ATXN2: variants seen among roughly 807,000 people sequenced by gnomAD.
ATXN2 encodes ataxin-2.
Under a neutral mutation model 138.6 loss-of-function variants are expected in ATXN2, and 37 were observed. That is an observed-to-expected ratio of 0.27 (90% confidence interval 0.21 to 0.35). The LOEUF is 0.35. ATXN2 is among the 10% of genes least tolerant of loss of function. The pLI is 1.00. For missense variants in ATXN2, 1,216 were observed against 1,480.3 expected (o/e 0.82, Z 2.93); for synonymous variants, 549 against 543.7 (o/e 1.01, Z -0.13).
rs1231218334 is a variant in ATXN2 at position 111,519,960 on chromosome 12, T to C, written c.905A>G (p.Asn302Ser). The change falls in exon 8 of 25, where the codon AAT (asparagine) becomes AGT (serine). Residue 302 changes from asparagine to serine, a missense_variant. Asn to Ser is a conservative substitution (Grantham distance 46, BLOSUM62 1). Transcript: ENST00000673436. ...AQYKARVALE[N>S]DDRSEEEKYT... is the part of the protein sequence containing the mutation. ...TTTTTCTTCCTCACTCCTATCATCA[T>C]TTTCCAGGGCCACTCGAGCTTTGTA... is the stretch of plus-strand genomic sequence containing the variant. The C allele has an allele frequency of 5.6e-6, 9 of 1,614,060 alleles. No homozygotes were observed. In the Admixed American group the frequency reaches 6.7e-5, roughly 12 times the overall value.
chr12:111,472,884 T>C (rs1348377459), intron 18 of ATXN2, among the ~76,000 whole-genome samples: 1 of 152,062 alleles, frequency 6.6e-6, no homozygotes, highest in African/African-American at 2.4e-5. Flanking sequence ...AAGGATAAAC[T>C]TTAATATGCT....
chr12:111,528,241 T>C (rs1880610886), intron 5 of ATXN2, among the ~76,000 whole-genome samples: 2 of 152,212 alleles, frequency 1.3e-5, no homozygotes, highest in Admixed American at 1.3e-4. Flanking sequence ...TATAGAACCA[T>C]ATAAACGGAT....
chr12:111,594,852 A>G (rs1289005829), intron 1 of ATXN2, among the ~76,000 whole-genome samples: 1 of 152,144 alleles, frequency 6.6e-6, no homozygotes, highest in Non-Finnish European at 1.5e-5. Context: ...GTTCCTCAGG[A>G]ATTTCATTCC....
chr12:111,580,591 CAGG>C (rs1285586694), intron 1 of ATXN2, among the ~76,000 whole-genome samples: 2 of 137,030 alleles, frequency 1.5e-5, no homozygotes, highest in Non-Finnish European at 3.1e-5. Context: ...CATCTGGGCT[CAGG>C]AGTTCAAGGT....
chr12:111,598,871 G>A lies in ATXN2; in HGVS notation c.164C>T (p.Ser55Phe), dbSNP rs1404140550. 4.0e-6 allele frequency: 6 copies of A among 1,494,258 alleles called. No individual in the cohort carries two copies. Among genetic ancestry groups the A allele is most frequent in the Non-Finnish European group, 4.4e-6 (5 of 1,128,372 alleles). The allele number at this position is 1,494,258 out of a possible 1,614,324, so 92.6% of individuals were successfully genotyped here. Reference protein sequence around the residue: ...LASPAAAPSPSSSSVSSSSAT... With the variant: ...LASPAAAPSPFSSSVSSSSAT... ...CGAGGACGAGGAGACCGAGGACGAG[G>A]ACGGCGAAGGCGCGGCGGCGGGCGA... The change falls in exon 1 of 25, where the codon TCC becomes TTC. Residue 55 changes from serine to phenylalanine, a missense_variant. By Grantham distance (155) the Ser-to-Phe change is radical. This residue lies in a region of ATXN2 where 110 missense variants were observed against 88.7 expected (regional missense o/e 1.24). Coordinates refer to ENST00000673436, the MANE Select transcript of ATXN2 (RefSeq NM_001372574.1). This position sits in a 1 kb window ranked among gnomAD's most constrained non-coding sequence, Gnocchi z 4.5.
intron 16 of ATXN2, 112 bp from the exon 17 acceptor site, chr12:111,485,977 C>T (rs1877612017): frequency 4.0e-6 from 4 of 1,012,272 alleles, no homozygotes; most frequent in African/African-American, 1.7e-5. Context: ...AACTATGTCC[C>T]TTTTATTGAA....
Position 111,599,074 on chromosome 12 carries a change from A to T in ATXN2, c.-40T>A. The T allele has an allele frequency of 7.1e-7, 1 of 1,404,962 alleles. No individual in the cohort carries two copies. The allele number at this position is 1,404,962 out of a possible 1,614,324, so 87.0% of individuals were successfully genotyped here. ...ACACCGGCTCGCACGCCGGGCGGGG[A>T]CAGCCGGGAGCCGGGCGCGCCAAGG... On this transcript the variant is annotated 5_prime_UTR_variant, in exon 1 of 25. Coordinates refer to ENST00000673436, the MANE Select transcript of ATXN2 (RefSeq NM_001372574.1).
intron 1 of ATXN2, among the ~76,000 whole-genome samples, chr12:111,568,342 T>C (rs1178456228): frequency 6.6e-6 from 1 of 152,164 alleles, no homozygotes; most frequent in East Asian, 1.9e-4. Context: ...TACAATATAA[T>C]TATAGAGCTT....
intron 5 of ATXN2, among the ~76,000 whole-genome samples, chr12:111,546,701 G>C (rs1489804936): frequency 2.0e-5 from 3 of 152,092 alleles, no homozygotes; most frequent in Admixed American, 2.0e-4. Flanking sequence ...GGAAAATCAA[G>C]TAAAAAACAA....
At chr12:111,515,687 C>T (rs762722369) in intron 10 of ATXN2, among the ~76,000 whole-genome samples, 6 of 152,150 alleles carry the variant, frequency 3.9e-5, no homozygotes, top group Non-Finnish European at 5.9e-5. Flanking sequence ...AGGGCAGACA[C>T]GCAAAGTCAG....
intron 20 of ATXN2, 76 bp downstream of exon 20, chr12:111,470,028 TCTTA>T (rs1312131282): frequency 1.4e-6 from 2 of 1,445,116 alleles, no homozygotes; most frequent in African/African-American, 1.4e-5. Context: ...GTCAGGTTAT[TCTTA>T]GATAGAGTAT....
chr12:111,588,987 T>A (rs1168909297), intron 1 of ATXN2, among the ~76,000 whole-genome samples: 4 of 27,328 alleles, frequency 1.5e-4, no homozygotes, highest in Non-Finnish European at 4.3e-4. Context: ...AGAGCGAGAT[T>A]TCTCAAAAAA....
At chr12:111,467,723 C>T (rs1302628836) in intron 20 of ATXN2, among the ~76,000 whole-genome samples, 1 of 152,076 alleles carries the variant, frequency 6.6e-6, no homozygotes, top group Non-Finnish European at 1.5e-5. Flanking sequence ...TCCTATTTGC[C>T]CACACATAAA....
chr12:111,513,660 T>A, intron 10 of ATXN2, 121 bp from the exon 11 acceptor site: 1 of 830,680 alleles, frequency 1.2e-6, no homozygotes. Flanking sequence ...AGTTTTTCCT[T>A]GGTTAAAAAT....
chr12:111,507,519 G>A (rs1208441371), intron 14 of ATXN2, among the ~76,000 whole-genome samples: 37 of 150,242 alleles, frequency 2.5e-4, no homozygotes, highest in African/African-American at 7.4e-4. Flanking sequence ...CCGGCCAGCC[G>A]CCCCATCCGG....
At chr12:111,549,003 A>G (rs1881984046) in intron 5 of ATXN2, among the ~76,000 whole-genome samples, 1 of 152,122 alleles carries the variant, frequency 6.6e-6, no homozygotes. Flanking sequence ...TACAGGAGTG[A>G]GCCACCGCAC....
intron 1 of ATXN2, chr12:111,581,785 G>A (rs1884020138): frequency 1.8e-6 from 1 of 545,954 alleles, no homozygotes; most frequent in Admixed American, 2.6e-5. Context: ...AACAGATCAG[G>A]AGGCATTATC....
intron 1 of ATXN2, among the ~76,000 whole-genome samples, chr12:111,594,247 T>C (rs2135854605): frequency 6.6e-6 from 1 of 152,364 alleles, no homozygotes; most frequent in Admixed American, 6.5e-5. Flanking sequence ...GTAGATATTT[T>C]AGGCCCTTCT....
At chr12:111,463,320 A>T (rs1444280549) in intron 21 of ATXN2, among the ~76,000 whole-genome samples, 2 of 152,194 alleles carry the variant, frequency 1.3e-5, no homozygotes, top group Admixed American at 1.3e-4. Flanking sequence ...TTTGAGACAG[A>T]GTCTCTCTCT....
Sources: gnomAD v4.1 joint callset for allele counts (sites outside exome capture counted in the v4.1 genomes callset) on GRCh38, gnomAD v4.1.1 for gene constraint, gnomAD v4.1.1 regional missense constraint, Gnocchi (gnomAD v3.1) non-coding constraint, MANE v1.5 for transcripts, NCBI Gene and HGNC (gene_info 2026-07-23, HGNC 2026-07-21) for gene names.